The following CNTNAP5 variants were observed in gnomAD, a reference collection of about 807,000 sequenced individuals.
CNTNAP5 encodes the protein contactin-associated protein-like 5.
In CNTNAP5, 72 loss-of-function variants were observed where a neutral mutation model predicts 150.2. The ratio of observed to expected loss-of-function variants is 0.48; its 90% CI spans 0.40 to 0.58. CNTNAP5 has a LOEUF of 0.58. CNTNAP5 is among the 20% of genes least tolerant of loss of function. The pLI, the probability that CNTNAP5 is intolerant of heterozygous loss-of-function variation, is 0.00. For missense variants in CNTNAP5, 1,636 were observed against 1,626.2 expected, an observed-to-expected ratio of 1.01 and a Z score of -0.10; for synonymous variants, 672 against 619.8, an observed-to-expected ratio of 1.08 and a Z score of -1.25.
At chr2:124,525,426 T>C (rs1194885382) in intron 9 of CNTNAP5, among the ~76,000 whole-genome samples, 2 of 152,220 alleles carry the variant, frequency 1.3e-5, no homozygotes, top group Non-Finnish European at 2.9e-5. Context: ...CCAGCTCCTA[T>C]AGATATAAGT....
chr2:124,326,811 A>G (rs980760409), intron 3 of CNTNAP5, among the ~76,000 whole-genome samples: 9 of 151,808 alleles, frequency 5.9e-5, no homozygotes, highest in Admixed American at 2.6e-4. Flanking sequence ...ATACATACAT[A>G]CATACAAATA....
intron 3 of CNTNAP5, among the ~76,000 whole-genome samples, chr2:124,326,453 A>T (rs1211832947): frequency 2.0e-5 from 3 of 152,226 alleles, no homozygotes; most frequent in Non-Finnish European, 2.9e-5. Flanking sequence ...AACTATGATT[A>T]AAAAGCCTGT....
chr2:124,714,158 C>T (rs946897367), intron 13 of CNTNAP5, among the ~76,000 whole-genome samples: 2 of 152,048 alleles, frequency 1.3e-5, no homozygotes, highest in African/African-American at 2.4e-5. Context: ...TACTTGTTTG[C>T]CTTCTCAAGA....
chr2:124,163,602 C>G lies in CNTNAP5; in HGVS notation c.83-58103C>G, dbSNP rs952187796. 3.3e-5 allele frequency among the ~76,000 whole-genome samples: 5 copies of G among 152,080 alleles called. 1 individual carries two copies. The East Asian group carries it at 9.7e-4, about 29-fold the overall frequency. On this transcript the variant is annotated intron_variant, in intron 1 of 23. Transcript: ENST00000682447. ...TTCCTCCCCTAAAGGTCAATACAAG[C>G]AACACTGGCTTTGCTTGAAGTTTCC...
intron 1 of CNTNAP5, among the ~76,000 whole-genome samples, chr2:124,116,209 G>C (rs1683425765): frequency 6.6e-6 from 1 of 152,186 alleles, no homozygotes; most frequent in Non-Finnish European, 1.5e-5. Flanking sequence ...AGCTGAGGTT[G>C]TGGTCCCTCC....
At chr2:124,486,800 G>A (rs1693891310) in intron 7 of CNTNAP5, among the ~76,000 whole-genome samples, 1 of 152,074 alleles carries the variant, frequency 6.6e-6, no homozygotes, top group South Asian at 2.1e-4. Flanking sequence ...AAAAAATAGT[G>A]AAACTACTAC....
intron 1 of CNTNAP5, among the ~76,000 whole-genome samples, chr2:124,071,684 G>C (rs2104664966): frequency 6.6e-6 from 1 of 151,868 alleles, no homozygotes; most frequent in Non-Finnish European, 1.5e-5. Flanking sequence ...CTGAAAATCT[G>C]AACAGACCAA....
rs1390951606 is a variant in CNTNAP5 at position 124,707,201 on chromosome 2, G to GAAGAAGAAT, written c.2078-40023_2078-40022insGAATAAGAA. Among the ~76,000 whole-genome samples the GAAGAAGAAT allele has an allele frequency of 3.8e-4, 53 of 140,612 alleles. 1 individual carries two copies. The highest frequency in any genetic ancestry group is 5.8e-4 in the Non-Finnish European group (37 of 63,708). The allele number at this position is 140,612 out of a possible 152,430, so 92.2% of individuals were successfully genotyped here. A position where few individuals can be genotyped will look rare whatever the true frequency, so the allele number is the denominator to read the frequency against. On this transcript the variant is annotated intron_variant, in intron 13 of 23. Coordinates refer to ENST00000682447, the MANE Select transcript of CNTNAP5 (RefSeq NM_001367498.1). ...AGAAGAAGAAGAAGAAGAAGAAGAA[G>GAAGAAGAAT]AAGAATAAACAACTTGGGATCATTC...
chr2:124,133,660 G>C (rs907280751), intron 1 of CNTNAP5, among the ~76,000 whole-genome samples: 2 of 152,086 alleles, frequency 1.3e-5, no homozygotes, highest in African/African-American at 4.8e-5. Flanking sequence ...TTTCTGTGGA[G>C]CACCAGTAGT....
intron 19 of CNTNAP5, among the ~76,000 whole-genome samples, chr2:124,798,650 C>A (rs1681899966): frequency 6.6e-6 from 1 of 152,198 alleles, no homozygotes; most frequent in Admixed American, 6.5e-5. Context: ...CAGAAGGACA[C>A]TTGCCACATG....
At chr2:124,856,899 A>G (rs1381859624) in intron 19 of CNTNAP5, among the ~76,000 whole-genome samples, 2 of 152,160 alleles carry the variant, frequency 1.3e-5, no homozygotes, top group Non-Finnish European at 2.9e-5. Flanking sequence ...AGCTTGTCAG[A>G]TCTGACCTCT....
chr2:124,029,724 A>G (rs931503319), intron 1 of CNTNAP5, among the ~76,000 whole-genome samples: 4 of 151,842 alleles, frequency 2.6e-5, no homozygotes, highest in African/African-American at 9.7e-5. Flanking sequence ...TTACTGAATC[A>G]CTTTATTTCT....
intron 15 of CNTNAP5, 30 bp downstream of exon 15, chr2:124,763,829 T>C (rs1681011015): frequency 6.2e-7 from 1 of 1,612,234 alleles, no homozygotes; most frequent in African/African-American, 1.3e-5. Context: ...AAGCTTTCTC[T>C]CTGCATTACA....
At chr2:124,526,051 C>T (rs181527314) in intron 9 of CNTNAP5, among the ~76,000 whole-genome samples, 3 of 152,288 alleles carry the variant, frequency 2.0e-5, no homozygotes, top group East Asian at 3.9e-4. Flanking sequence ...GAGGAAAAAA[C>T]GCTATCTTGC....
intron 1 of CNTNAP5, among the ~76,000 whole-genome samples, chr2:124,117,203 G>C (rs1390473203): frequency 6.6e-6 from 1 of 152,202 alleles, no homozygotes; most frequent in Non-Finnish European, 1.5e-5. Context: ...TCCTAGGGCA[G>C]AAACCTGAGG....
At chr2:124,220,355 G>A (rs72962819) in intron 1 of CNTNAP5, among the ~76,000 whole-genome samples, 1,655 of 152,134 alleles carry the variant, frequency 0.011, 31 homozygotes, top group African/African-American at 0.038. Flanking sequence ...TAATTGGCTG[G>A]TAGATTGACT....
chr2:124,625,167 C>T (rs1483119627), intron 12 of CNTNAP5, among the ~76,000 whole-genome samples: 1 of 152,134 alleles, frequency 6.6e-6, no homozygotes, highest in African/African-American at 2.4e-5. Flanking sequence ...AACTCAATGC[C>T]ATGGTGGAAA....
At chr2:124,551,905 A>G (rs72968799) in intron 10 of CNTNAP5, among the ~76,000 whole-genome samples, 1 of 152,044 alleles carries the variant, frequency 6.6e-6, no homozygotes, top group Non-Finnish European at 1.5e-5. Context: ...CTTTTAAGCG[A>G]TGATTTTCTC....
chr2:124,568,632 A>G (rs901128762), intron 11 of CNTNAP5, among the ~76,000 whole-genome samples: 5 of 152,194 alleles, frequency 3.3e-5, no homozygotes, highest in African/African-American at 9.6e-5. Flanking sequence ...TTTTGTTTCT[A>G]TATTCAACCA....
Sources: allele counts gnomAD v4.1 joint callset (sites outside exome capture counted in the v4.1 genomes callset), GRCh38; gene constraint gnomAD v4.1.1; transcripts MANE v1.5; gene names NCBI Gene and HGNC (gene_info 2026-07-23, HGNC 2026-07-21).